Variants in MTMR2 observed in about 807,000 individuals in gnomAD.
MTMR2 encodes the protein myotubularin related protein 2.
MTMR2 carries 55 observed loss-of-function variants against 86.9 expected under a neutral mutation model. The ratio of observed to expected loss-of-function variants is 0.63; its 90% CI spans 0.51 to 0.79. The LOEUF is 0.79. MTMR2 is among the 30% of genes least tolerant of loss of function. The probability of loss-of-function intolerance (pLI) is 0.00; values close to 1 mark genes in which losing one functional copy is unlikely to be tolerated. For synonymous variants in MTMR2, 241 were observed against 266.8 expected, an observed-to-expected ratio of 0.90 and a Z score of 0.94; for missense variants, 659 against 772.3, an observed-to-expected ratio of 0.85 and a Z score of 1.74.
intron 1 of MTMR2, among the ~76,000 whole-genome samples, chr11:95,919,513 T>C (rs1379450132): frequency 1.3e-5 from 2 of 152,190 alleles, no homozygotes; most frequent in African/African-American, 2.4e-5. Context: ...TGAGGTTATA[T>C]GAAGGATGAC....
At chr11:95,836,937 A>T (rs978731348) in intron 13 of MTMR2, among the ~76,000 whole-genome samples, 2 of 152,006 alleles carry the variant, frequency 1.3e-5, no homozygotes, top group East Asian at 3.9e-4. Context: ...TACAACTCAG[A>T]TATACTAAAA....
chr11:95,873,341 T>C (rs1012721491), intron 2 of MTMR2, among the ~76,000 whole-genome samples: 3 of 152,126 alleles, frequency 2.0e-5, no homozygotes, highest in Admixed American at 2.0e-4. Flanking sequence ...CTTGGGAGAG[T>C]GTATGTGTCG....
Position 95,871,732 on chromosome 11 carries a change from A to G in MTMR2, c.187-6056T>C, listed in dbSNP as rs549129910. Among the ~76,000 whole-genome samples, 10 of 152,256 alleles carry G rather than the reference A, an allele frequency of 6.6e-5. No individual in the cohort carries two copies. In the East Asian group the frequency reaches 1.9e-3, roughly 29 times the overall value. ...TTCTTTTGCTGTGCAGAAGCTCTTT[A>G]GTTTAATTAGATGCAATTTGTCAAT... On this transcript the variant is annotated intron_variant, in intron 2 of 14. Coordinates refer to ENST00000346299, the MANE Select transcript of MTMR2 (RefSeq NM_016156.6).
chr11:95,868,957 A>AT (rs1864746002), intron 2 of MTMR2, among the ~76,000 whole-genome samples: 1 of 151,926 alleles, frequency 6.6e-6, no homozygotes, highest in South Asian at 2.1e-4. Context: ...TTAGAAAAAA[A>AT]AAAAGAAAAA....
At position 95,850,826 on chromosome 11, in the gene MTMR2, G is replaced by C; in HGVS notation, c.655-77C>G. The C allele has an allele frequency of 2.9e-6, 4 of 1,386,726 alleles. No homozygotes were observed. The East Asian group carries it at 6.9e-5, about 24-fold the overall frequency. The allele number at this position is 1,386,726 out of a possible 1,614,324, so 85.9% of individuals were successfully genotyped here. ...ACGACACCAGGACAGAAGCCATCCT[G>C]TTCAATCTCTCTGACCTCTACTATC... On this transcript the variant is annotated intron_variant, in intron 7 of 14. Transcript: ENST00000346299.
rs1360581554 is a variant in MTMR2 at position 95,845,027 on chromosome 11, A to G, written c.1312T>C (p.Tyr438His). Reference sequence around the variant, plus strand: ...TCAAATCCTCGGATGGTTCGATAGTATCCATCCAACATGAGCATGGCAAGG... The same window carrying G: ...TCAAATCCTCGGATGGTTCGATAGTGTCCATCCAACATGAGCATGGCAAGG... ...TSLAMLMLDGYYRTIRGFEVL... is the reference protein window; with the variant it reads ...TSLAMLMLDGHYRTIRGFEVL... Residue 438 changes from tyrosine to histidine, a missense_variant, in exon 11 of 15, where the codon TAC becomes CAC. By Grantham distance (83) the Tyr-to-His change is moderately conservative (BLOSUM62 2). Transcript: ENST00000346299. 3 of 1,613,834 alleles carry G rather than the reference A, an allele frequency of 1.9e-6. No homozygotes were observed. The highest frequency in any genetic ancestry group is 2.5e-6 in the Non-Finnish European group (3 of 1,179,884).
At chr11:95,849,974 G>T in intron 8 of MTMR2, 112 bp from the exon 9 acceptor site, 1 of 1,016,222 alleles carries the variant, frequency 9.8e-7, no homozygotes, top group Non-Finnish European at 1.5e-6. Context: ...GCCTGGCCAT[G>T]AAAGGACATC....
At chr11:95,900,617 T>G (rs1866037603) in intron 1 of MTMR2, among the ~76,000 whole-genome samples, 1 of 149,648 alleles carries the variant, frequency 6.7e-6, no homozygotes, top group East Asian at 2.0e-4. Flanking sequence ...TCCTTCCTTT[T>G]GTAGATAACA....
Position 95,865,584 on chromosome 11 carries a change from A to C in MTMR2, c.262+17T>G. 3 of 1,609,626 alleles carry C rather than the reference A, an allele frequency of 1.9e-6. No individual in the cohort carries two copies. Among genetic ancestry groups the C allele is most frequent in the Middle Eastern group, 1.7e-4 (1 of 6,054 alleles). Reference sequence around the variant, plus strand: ...TAGAACGGAGAAGGACATTAAGCAAAAAATACCATTACGGACCCATGTCTT... The same window carrying C: ...TAGAACGGAGAAGGACATTAAGCAACAAATACCATTACGGACCCATGTCTT... On this transcript the variant is annotated intron_variant, in intron 3 of 14. Coordinates refer to ENST00000346299, the MANE Select transcript of MTMR2 (RefSeq NM_016156.6).
At chr11:95,918,166 G>A (rs1016636935) in intron 1 of MTMR2, among the ~76,000 whole-genome samples, 2 of 152,256 alleles carry the variant, frequency 1.3e-5, no homozygotes, top group South Asian at 4.1e-4. Flanking sequence ...AATGTTGATT[G>A]CATTACAAAA....
Position 95,924,102 on chromosome 11 carries a change from G to GTTA in MTMR2, c.-149_-148insTAA. ...GACCGGAAGCGGCCATGTTCCCCCAGAGTGCACCGCGCCTGTAGGCTGCTG... is the reference window on the plus strand; with the variant it reads ...GACCGGAAGCGGCCATGTTCCCCCAGTTAAGTGCACCGCGCCTGTAGGCTGCTG... On this transcript the variant is annotated 5_prime_UTR_variant, in exon 1 of 15. Coordinates refer to ENST00000346299, the MANE Select transcript of MTMR2 (RefSeq NM_016156.6). 19 of 994,208 alleles carry GTTA rather than the reference G, an allele frequency of 1.9e-5. No individual in the cohort carries two copies. The highest frequency in any genetic ancestry group is 2.9e-5 in the Non-Finnish European group (19 of 653,470). The allele number at this position is 994,208 out of a possible 1,614,324, so 61.6% of individuals were successfully genotyped here.
chr11:95,836,464 T>A, intron 13 of MTMR2, 140 bp from the exon 14 acceptor site: 1 of 761,158 alleles, frequency 1.3e-6, no homozygotes. Context: ...ATAAACCAAC[T>A]TATATTAAGA....
chr11:95,852,720 CTTAA>C (rs1555061798), intron 7 of MTMR2, among the ~76,000 whole-genome samples: 2 of 152,114 alleles, frequency 1.3e-5, no homozygotes, highest in Non-Finnish European at 2.9e-5. Context: ...GAACTACAGT[CTTAA>C]TTAGAGGTTT....
rs1863216623 is a variant in MTMR2, at chr11:95,835,343, C to A, written c.1879G>T (p.Glu627Ter). 6.2e-7 allele frequency: 1 copy of A among 1,613,140 alleles called. No homozygotes were observed. Among genetic ancestry groups the A allele is most frequent in the African/African-American group, 1.3e-5 (1 of 75,016 alleles). Residue 627 changes from glutamate (E) to a stop codon, truncating the protein, a stop_gained, in exon 15 of 15, where the codon GAG (glutamate) becomes TAG (stop). Transcript: ENST00000346299. LOFTEE classifies it high-confidence loss of function. Reference protein sequence around the residue: ...EISNRSTSSSERASSPAQCVT... With the variant: ...EISNRSTSSS ...CACTGTGCAGGAGAGCTGGCTCTCT[C>A]TGAGGATGAGGTTGATCGGTTAGAA...
chr11:95,889,647 T>C (rs1865643873), intron 1 of MTMR2, among the ~76,000 whole-genome samples: 1 of 152,046 alleles, frequency 6.6e-6, no homozygotes, highest in South Asian at 2.1e-4. Context: ...TGGGCTACCG[T>C]GCTCAAGCCC....
chr11:95,868,278 A>C, intron 2 of MTMR2, among the ~76,000 whole-genome samples: 1 of 76,124 alleles, frequency 1.3e-5, no homozygotes, highest in African/African-American at 9.5e-5. Context: ...TGTGCTAAAA[A>C]AAAAAAAAAA....
At chr11:95,893,464 A>G (rs908726078) in intron 1 of MTMR2, among the ~76,000 whole-genome samples, 1 of 152,018 alleles carries the variant, frequency 6.6e-6, no homozygotes, top group South Asian at 2.1e-4. Flanking sequence ...ATTATCCTTC[A>G]TGATTCATTG....
chr11:95,836,361 C>T, intron 13 of MTMR2, 37 bp from the exon 14 acceptor site: 1 of 1,545,344 alleles, frequency 6.5e-7, no homozygotes, highest in Non-Finnish European at 8.9e-7. Context: ...TTCTCCACCA[C>T]ATAAGCCATT....
chr11:95,874,708 G>T (rs1018999891), intron 2 of MTMR2, among the ~76,000 whole-genome samples: 1 of 152,132 alleles, frequency 6.6e-6, no homozygotes, highest in Non-Finnish European at 1.5e-5. Flanking sequence ...TTTACAATTT[G>T]GCATGTTTTT....
Sources: allele counts gnomAD v4.1 joint callset (sites outside exome capture counted in the v4.1 genomes callset), GRCh38; gene constraint gnomAD v4.1.1; transcripts MANE v1.5; gene names NCBI Gene and HGNC (gene_info 2026-07-23, HGNC 2026-07-21).